TAMM41: variants seen among roughly 807,000 people sequenced by gnomAD.
TAMM41 encodes phosphatidate cytidylyltransferase, mitochondrial.
Under a neutral mutation model 44.1 loss-of-function variants are expected in TAMM41, and 36 were observed. The ratio of observed to expected loss-of-function variants is 0.82; its 90% CI spans 0.63 to 1.08. The LOEUF (loss-of-function observed/expected upper bound fraction) is 1.08, where lower values mean the gene tolerates loss of function less well. Ranked by LOEUF, TAMM41 falls within the 50% of genes least tolerant of loss-of-function variation. The pLI is 0.00. For synonymous variants in TAMM41, 164 were observed against 153.1 expected, an observed-to-expected ratio of 1.07 and a Z score of -0.53; for missense variants, 417 against 404.3, an observed-to-expected ratio of 1.03 and a Z score of -0.27.
At chr3:11,763,164 A>T in the TAMM41 span, among the ~76,000 whole-genome samples, 1 of 152,340 alleles carries the variant, frequency 6.6e-6, no homozygotes, top group South Asian at 2.1e-4. Flanking sequence ...TTTTTGAGAC[A>T]GGGTCTACCT....
the TAMM41 span, among the ~76,000 whole-genome samples, chr3:11,753,015 C>T: frequency 6.6e-6 from 1 of 151,840 alleles, no homozygotes; most frequent in Non-Finnish European, 1.5e-5. Context: ...AGTACATGTC[C>T]GAAGGGGTTC....
At chr3:11,772,519 G>A in the TAMM41 span, among the ~76,000 whole-genome samples, 3 of 152,088 alleles carry the variant, frequency 2.0e-5, no homozygotes, top group Non-Finnish European at 4.4e-5. Flanking sequence ...TGCAAAAGAC[G>A]TGATTTCATT....
At chr3:11,831,497 A>G (rs2078980332) in intron 3 of TAMM41, among the ~76,000 whole-genome samples, 2 of 152,184 alleles carry the variant, frequency 1.3e-5, no homozygotes, top group South Asian at 2.1e-4. Flanking sequence ...TGTCTAAAAT[A>G]TATCTACCAT....
chr3:11,846,443 G>C, intron 1 of TAMM41, 59 bp downstream of exon 1: 1 of 1,604,428 alleles, frequency 6.2e-7, no homozygotes, highest in Non-Finnish European at 8.5e-7. Context: ...AAGGAATCGA[G>C]GGCAAAACGG....
chr3:11,729,561 T>A, the TAMM41 span, among the ~76,000 whole-genome samples: 7 of 114,798 alleles, frequency 6.1e-5, no homozygotes, highest in Admixed American at 1.8e-4. Context: ...TTTTTTTTTT[T>A]TTTTTTTTTT....
At chr3:11,813,877 T>C (rs2078176159) in intron 5 of TAMM41, among the ~76,000 whole-genome samples, 1 of 145,232 alleles carries the variant, frequency 6.9e-6, no homozygotes, top group Admixed American at 6.8e-5. Context: ...TATATATGTA[T>C]ATATGTATAT....
At chr3:11,749,759 G>A in the TAMM41 span, among the ~76,000 whole-genome samples, 1 of 152,184 alleles carries the variant, frequency 6.6e-6, no homozygotes, top group African/African-American at 2.4e-5. Flanking sequence ...GGGTCTGCTT[G>A]TTCTCATGTT....
chr3:11,809,771 C>T (rs1202827095), intron 5 of TAMM41, 89 bp from the exon 6 acceptor site: 2 of 1,391,212 alleles, frequency 1.4e-6, no homozygotes, highest in South Asian at 1.4e-5. Flanking sequence ...TTAAAAATCA[C>T]ACAAACATAT....
At chr3:11,820,825 A>C (rs569601027) in intron 4 of TAMM41, among the ~76,000 whole-genome samples, 1 of 152,272 alleles carries the variant, frequency 6.6e-6, no homozygotes, top group Admixed American at 6.5e-5. Flanking sequence ...AGGCATCCAA[A>C]AGGATTTCTC....
the TAMM41 span, among the ~76,000 whole-genome samples, chr3:11,752,600 T>TA: frequency 0.015 from 2,209 of 146,268 alleles, 56 homozygotes; most frequent in African/African-American, 0.052. Flanking sequence ...CCAGCTGGCT[T>TA]CACCTCTCAA....
At chr3:11,776,689 T>A in the TAMM41 span, among the ~76,000 whole-genome samples, 1,056 of 152,250 alleles carry the variant, frequency 6.9e-3, 16 homozygotes, top group African/African-American at 0.024. Context: ...TCAGAGGGTA[T>A]CCCTGTCATT....
At chr3:11,730,149 G>A in the TAMM41 span, among the ~76,000 whole-genome samples, 76 of 152,168 alleles carry the variant, frequency 5.0e-4, no homozygotes, top group African/African-American at 1.7e-3. Flanking sequence ...TTTGGGGCAC[G>A]ATGGCTCAAG....
the TAMM41 span, among the ~76,000 whole-genome samples, chr3:11,759,159 TA>T: frequency 6.6e-6 from 1 of 152,158 alleles, no homozygotes; most frequent in Non-Finnish European, 1.5e-5. Flanking sequence ...AAAAATCAAT[TA>T]TTTTTCATCT....
intron 4 of TAMM41, among the ~76,000 whole-genome samples, chr3:11,827,130 G>A (rs753764758): frequency 1.6e-4 from 24 of 152,208 alleles, no homozygotes; most frequent in Non-Finnish European, 2.5e-4. Flanking sequence ...ATGCTAATTT[G>A]CTTGATAAAT....
the TAMM41 span, among the ~76,000 whole-genome samples, chr3:11,775,030 C>A: frequency 6.6e-6 from 1 of 151,898 alleles, no homozygotes; most frequent in Non-Finnish European, 1.5e-5. Context: ...CCACCGTGCC[C>A]GGCTAATTTT....
At chr3:11,765,504 C>A in the TAMM41 span, among the ~76,000 whole-genome samples, 5 of 152,280 alleles carry the variant, frequency 3.3e-5, no homozygotes, top group East Asian at 9.6e-4. Context: ...AGCGTAAAGA[C>A]AGGATTCAAC....
chr3:11,783,558 C>G, the TAMM41 span, among the ~76,000 whole-genome samples: 1 of 152,210 alleles, frequency 6.6e-6, no homozygotes. Flanking sequence ...TTAAGGAATT[C>G]TAGCCACAAA....
At chr3:11,765,205 G>A in the TAMM41 span, among the ~76,000 whole-genome samples, 1 of 152,128 alleles carries the variant, frequency 6.6e-6, no homozygotes, top group Non-Finnish European at 1.5e-5. Flanking sequence ...CCATGATCAA[G>A]TGGACCCAGG....
At chr3:11,834,693 T>A (rs1191175149) in intron 3 of TAMM41, among the ~76,000 whole-genome samples, 1 of 152,152 alleles carries the variant, frequency 6.6e-6, no homozygotes. Flanking sequence ...GATACTCAAA[T>A]ATATATATTT....
Sources: allele counts gnomAD v4.1 joint callset (sites outside exome capture counted in the v4.1 genomes callset), GRCh38; gene constraint gnomAD v4.1.1; transcripts MANE v1.5; gene names NCBI Gene and HGNC (gene_info 2026-07-23, HGNC 2026-07-21).